Variants in KIF13B observed in about 807,000 individuals in gnomAD.
KIF13B encodes the protein kinesin-like protein KIF13B.
In KIF13B, 127 loss-of-function variants were observed where a neutral mutation model predicts 222.0. That is an observed-to-expected ratio of 0.57 (90% CI 0.50 to 0.66). KIF13B has a LOEUF of 0.66. KIF13B is among the 30% of genes least tolerant of loss of function. The pLI is 0.00. For missense variants in KIF13B, 2,173 were observed against 2,379.0 expected (o/e 0.91, Z 1.80); for synonymous variants, 976 against 919.0 (o/e 1.06, Z -1.12).
intron 2 of KIF13B, among the ~76,000 whole-genome samples, chr8:29,209,980 C>T (rs985714358): frequency 6.6e-6 from 1 of 151,276 alleles, no homozygotes; most frequent in Non-Finnish European, 1.5e-5. Flanking sequence ...CACTTGAGAC[C>T]AGTTGGTCAA....
intron 1 of KIF13B, among the ~76,000 whole-genome samples, chr8:29,262,722 G>A (rs1048110132): frequency 2.0e-5 from 3 of 151,048 alleles, no homozygotes; most frequent in Non-Finnish European, 4.4e-5. Context: ...CGGGGCGGGC[G>A]CAGGCGGAAG....
rs1385372293 is a variant in KIF13B at position 29,099,915 on chromosome 8, AC to A, written c.4216-675del. ...CACTTCTGCTCTTTTGCCTCAAGAT[AC>A]CCTTTTTCACTCAGTTCTCCACAGA... On this transcript the variant is annotated intron_variant, in intron 35 of 39. Transcript: ENST00000524189. Among the ~76,000 whole-genome samples the A allele has an allele frequency of 2.0e-5, 3 of 151,958 alleles. No homozygotes were observed. In the East Asian group the frequency reaches 5.8e-4, roughly 29 times the overall value.
chr8:29,124,151 C>T (rs566541907), intron 26 of KIF13B, 28 bp from the exon 27 acceptor site: 1 of 1,302,210 alleles, frequency 7.7e-7, no homozygotes, highest in South Asian at 1.2e-5. Context: ...AAATCATATT[C>T]AATGTAATGT....
intron 2 of KIF13B, among the ~76,000 whole-genome samples, chr8:29,240,277 A>T (rs1340324233): frequency 2.0e-5 from 3 of 152,156 alleles, no homozygotes; most frequent in Middle Eastern, 3.4e-3. Context: ...AGATATGCTT[A>T]AAAAAAGCAG....
At chr8:29,236,315 A>G (rs1382152430) in intron 2 of KIF13B, among the ~76,000 whole-genome samples, 2 of 152,204 alleles carry the variant, frequency 1.3e-5, no homozygotes, top group African/African-American at 4.8e-5. Flanking sequence ...CTCCTTCAAA[A>G]TAATATGGGG....
Position 29,113,381 on chromosome 8 carries a change from A to G in KIF13B, c.3930+82T>C, listed in dbSNP as rs1028142714. 1.9e-5 allele frequency: 14 copies of G among 735,712 alleles called. No homozygotes were observed. In the African/African-American group the frequency reaches 2.3e-4, roughly 12 times the overall value. The allele number at this position is 735,712 out of a possible 1,614,324, so 45.6% of individuals were successfully genotyped here. A position where few individuals can be genotyped will look rare whatever the true frequency, so the allele number is the denominator to read the frequency against. On this transcript the variant is annotated intron_variant, in intron 32 of 39. Coordinates refer to ENST00000524189, the MANE Select transcript of KIF13B (RefSeq NM_015254.4). ...AAACATACACTTTCACTTCATATGT[A>G]TGTCATGGGTAGGTCACTTTTCAGG... is the stretch of plus-strand genomic sequence containing the variant.
In KIF13B at chr8:29,180,914, G is replaced by A. The variant is rs539727615; in HGVS notation, c.586-676C>T. Among the ~76,000 whole-genome samples the A allele has an allele frequency of 4.1e-4, 62 of 152,024 alleles. 1 individual carries two copies. In the South Asian group the frequency reaches 0.012, roughly 29 times the overall value. On this transcript the variant is annotated intron_variant, in intron 7 of 39. Coordinates refer to ENST00000524189, the MANE Select transcript of KIF13B (RefSeq NM_015254.4). ...CTATGACACCCATCTGCCTTACAAG[G>A]ATCTTAATGAGGAGTGAGAAAAATG...
intron 32 of KIF13B, among the ~76,000 whole-genome samples, chr8:29,110,969 A>ATG (rs1332538618): frequency 2.6e-5 from 4 of 152,236 alleles, no homozygotes; most frequent in African/African-American, 9.6e-5. Flanking sequence ...AGGGGAAAAC[A>ATG]AACTCTGTTA....
chr8:29,258,461 G>GA (rs1419575979), intron 1 of KIF13B, among the ~76,000 whole-genome samples: 1 of 152,194 alleles, frequency 6.6e-6, no homozygotes, highest in East Asian at 1.9e-4. Context: ...AAGCAAAACA[G>GA]AGTGCGTGGA....
intron 2 of KIF13B, among the ~76,000 whole-genome samples, chr8:29,242,138 G>A (rs892860337): frequency 6.6e-6 from 1 of 152,144 alleles, no homozygotes; most frequent in African/African-American, 2.4e-5. Flanking sequence ...CCTGTTTGGT[G>A]GGTAGAGGAG....
At chr8:29,213,499 TG>T (rs1384740978) in intron 2 of KIF13B, among the ~76,000 whole-genome samples, 1 of 152,236 alleles carries the variant, frequency 6.6e-6, no homozygotes, top group Non-Finnish European at 1.5e-5. Context: ...AATTTTAACC[TG>T]TGCAAGCACC....
At chr8:29,246,410 A>C (rs1563823924) in intron 1 of KIF13B, among the ~76,000 whole-genome samples, 1 of 151,686 alleles carries the variant, frequency 6.6e-6, no homozygotes. Flanking sequence ...AAAAACACAA[A>C]ATAGGTACAA....
intron 37 of KIF13B, among the ~76,000 whole-genome samples, chr8:29,078,011 G>A (rs559996548): frequency 2.8e-4 from 43 of 151,278 alleles, no homozygotes; most frequent in African/African-American, 9.9e-4. Flanking sequence ...GGCCAGGCAC[G>A]GTGGTTCACG....
rs140738265 is a variant in KIF13B, at chr8:29,155,315, CAGG to C, written c.1535+408_1535+410del. Among the ~76,000 whole-genome samples the C allele has an allele frequency of 6.4e-3, 982 of 152,296 alleles. 10 individuals carry two copies. Among genetic ancestry groups the C allele is most frequent in the African/African-American group, 0.023 (952 of 41,542 alleles). On this transcript the variant is annotated intron_variant, in intron 14 of 39. Coordinates refer to ENST00000524189, the MANE Select transcript of KIF13B (RefSeq NM_015254.4). ...ATTCAGACCAAACAGTGACTCCCCA[CAGG>C]AGAACATGGCAGCACTTAACCCTGC... is the stretch of plus-strand genomic sequence containing the variant.
intron 14 of KIF13B, among the ~76,000 whole-genome samples, chr8:29,153,908 G>GATA (rs1239810551): frequency 1.3e-5 from 2 of 152,052 alleles, no homozygotes; most frequent in Non-Finnish European, 2.9e-5. Flanking sequence ...GTAAAGCTAT[G>GATA]GAGCATTTAC....
At chr8:29,162,863 C>T (rs1435134725) in intron 12 of KIF13B, among the ~76,000 whole-genome samples, 1 of 152,182 alleles carries the variant, frequency 6.6e-6, no homozygotes, top group African/African-American at 2.4e-5. Flanking sequence ...GGTTGGTTAA[C>T]TTTTCCTATA....
At chr8:29,084,819 G>A (rs1263030954) in intron 37 of KIF13B, among the ~76,000 whole-genome samples, 2 of 152,196 alleles carry the variant, frequency 1.3e-5, no homozygotes, top group Non-Finnish European at 2.9e-5. Flanking sequence ...AAACACACTT[G>A]AATATGAGTA....
At chr8:29,262,680 G>T (rs528255774) in intron 1 of KIF13B, among the ~76,000 whole-genome samples, 1 of 151,240 alleles carries the variant, frequency 6.6e-6, no homozygotes, top group Non-Finnish European at 1.5e-5. Context: ...GGGAACCTCC[G>T]GGGGAGACGA....
At chr8:29,138,125 G>A (rs1437788301) in intron 21 of KIF13B, among the ~76,000 whole-genome samples, 1 of 152,162 alleles carries the variant, frequency 6.6e-6, no homozygotes, top group African/African-American at 2.4e-5. Flanking sequence ...TGAGACAGGT[G>A]GATCACTTGA....
Sources: gnomAD v4.1 joint callset for allele counts (sites outside exome capture counted in the v4.1 genomes callset) on GRCh38, gnomAD v4.1.1 for gene constraint, MANE v1.5 for transcripts, NCBI Gene and HGNC (gene_info 2026-07-23, HGNC 2026-07-21) for gene names.